The following PLPPR1 variants were observed in gnomAD, a reference collection of about 807,000 sequenced individuals.
PLPPR1 encodes phospholipid phosphatase related 1.
In PLPPR1, 10 loss-of-function variants were observed where a neutral mutation model predicts 33.1. The observed-to-expected ratio is 0.30, with a 90% confidence interval of 0.19 to 0.51. The LOEUF (loss-of-function observed/expected upper bound fraction) is 0.51. Ranked by LOEUF, PLPPR1 falls within the 20% of genes least tolerant of loss-of-function variation. The probability of loss-of-function intolerance (pLI) is 0.97; values close to 1 mark genes in which losing one functional copy is unlikely to be tolerated. For synonymous variants in PLPPR1, 151 were observed against 151.0 expected, an observed-to-expected ratio of 1.00 and a Z score of 0.00; for missense variants, 304 against 408.1, an observed-to-expected ratio of 0.74 and a Z score of 2.20.
chr9:101,061,651 A>C (rs868572013), intron 1 of PLPPR1, among the ~76,000 whole-genome samples: 1 of 147,650 alleles, frequency 6.8e-6, no homozygotes, highest in South Asian at 2.5e-4. Flanking sequence ...GTTTAGAGTT[A>C]ATTGTCCCTA....
At chr9:101,056,490 A>C (rs1334936917) in intron 1 of PLPPR1, among the ~76,000 whole-genome samples, 2 of 152,106 alleles carry the variant, frequency 1.3e-5, no homozygotes, top group Non-Finnish European at 2.9e-5. Context: ...GCTATCACAG[A>C]TTTATTATAG....
rs534696051 is a variant in PLPPR1, at chr9:101,118,158, G to A, written c.-45-67292G>A. ...AACATCCTAGGACAGAGATGGGGAG[G>A]AAGCTGATAAACAGAGGCTATGACC... is the stretch of plus-strand genomic sequence containing the variant. On this transcript the variant is annotated intron_variant, in intron 1 of 7. Transcript: ENST00000374874. 1.3e-5 allele frequency among the ~76,000 whole-genome samples: 2 copies of A among 152,308 alleles called. 1 individual carries two copies. Among genetic ancestry groups the A allele is most frequent in the South Asian group, 4.1e-4 (2 of 4,828 alleles).
At chr9:101,292,634 G>T (rs1012247038) in intron 4 of PLPPR1, among the ~76,000 whole-genome samples, 1 of 150,340 alleles carries the variant, frequency 6.7e-6, no homozygotes, top group Admixed American at 6.6e-5. Flanking sequence ...TGGGCGGGGC[G>T]GGGGGGGCCA....
At chr9:101,135,590 C>T (rs1312540921) in intron 1 of PLPPR1, among the ~76,000 whole-genome samples, 1 of 152,182 alleles carries the variant, frequency 6.6e-6, no homozygotes, top group Admixed American at 6.5e-5. Flanking sequence ...ATTGCTCTCC[C>T]TGTAGCTCCC....
At chr9:101,126,631 G>C (rs1831249597) in intron 1 of PLPPR1, among the ~76,000 whole-genome samples, 1 of 152,146 alleles carries the variant, frequency 6.6e-6, no homozygotes, top group Non-Finnish European at 1.5e-5. Flanking sequence ...CTACAGGAGT[G>C]GTAAGTTTTA....
rs181666698 is a variant in PLPPR1 at position 101,165,475 on chromosome 9, G to A, written c.-45-19975G>A. Among the ~76,000 whole-genome samples the A allele has an allele frequency of 8.5e-5, 13 of 152,286 alleles. No homozygotes were observed. In the East Asian group the frequency reaches 2.5e-3, roughly 29 times the overall value. On this transcript the variant is annotated intron_variant, in intron 1 of 7. Transcript: ENST00000374874. ...GAAAAGCAAAGAGAAAATAAAGGAT[G>A]CAAATACTTGTAGGAACTCCAATTT...
chr9:101,286,210 T>C lies in PLPPR1; in HGVS notation c.359T>C (p.Leu120Ser), dbSNP rs1276194344. 1.2e-6 allele frequency: 2 copies of C among 1,613,722 alleles called. No individual in the cohort carries two copies. Among genetic ancestry groups the C allele is most frequent in the Non-Finnish European group, 1.7e-6 (2 of 1,179,796 alleles). Residue 120 changes from leucine (L) to serine (S), a missense_variant, in exon 4 of 8, where the codon TTA (leucine) becomes TCA (serine). Coordinates refer to ENST00000374874, the MANE Select transcript of PLPPR1 (RefSeq NM_207299.2). ...GGAGAATGCTGTTACCTGAACCCCT[T>C]ACTTCGAAGGATCATAAGATTCACA... ...LTGECCYLNP[L>S]LRRIIRFTGV... is the part of the protein sequence containing the mutation.
At position 101,324,578 on chromosome 9, in the gene PLPPR1, T is replaced by C. The variant is rs1829219665; in HGVS notation, c.*521T>C. 1.3e-5 allele frequency: 2 copies of C among 152,706 alleles called. No individual in the cohort carries two copies. The highest frequency in any genetic ancestry group is 4.1e-4 in the South Asian group (2 of 4,872). The allele number at this position is 152,706 out of a possible 1,614,324, so 9.5% of individuals were successfully genotyped here. A position where few individuals can be genotyped will look rare whatever the true frequency, so the allele number is the denominator to read the frequency against. On this transcript the variant is annotated 3_prime_UTR_variant, in exon 8 of 8. Transcript: ENST00000374874. The stretch of plus-strand genomic sequence containing the variant: ...TGTTGCACTCTGATCTCTTAACAAA[T>C]TGTTACGTTCAAAGTTTAAAGTGAT...
intron 2 of PLPPR1, among the ~76,000 whole-genome samples, chr9:101,229,236 G>A (rs1827134620): frequency 6.6e-6 from 1 of 152,108 alleles, no homozygotes; most frequent in Non-Finnish European, 1.5e-5. Context: ...AAACAGTGCA[G>A]TGTGGTATTC....
intron 2 of PLPPR1, among the ~76,000 whole-genome samples, chr9:101,255,659 T>C (rs1172984478): frequency 6.6e-6 from 1 of 152,168 alleles, no homozygotes; most frequent in African/African-American, 2.4e-5. Context: ...ACTCCAAATG[T>C]GTTTATCAAA....
intron 2 of PLPPR1, among the ~76,000 whole-genome samples, chr9:101,254,580 CATGCTGTGTGACCTT>C (rs1483818270): frequency 6.6e-6 from 1 of 152,100 alleles, no homozygotes; most frequent in African/African-American, 2.4e-5. Context: ...CTGGCTCTTC[CATGCTGTGTGACCTT>C]ATGCTAATAA....
rs566745703 is a variant in PLPPR1, at chr9:101,211,582, T to G, written c.63+26025T>G. Among the ~76,000 whole-genome samples, 19 of 152,288 alleles carry G rather than the reference T, an allele frequency of 1.2e-4. 1 individual carries two copies. The South Asian group carries it at 3.9e-3, about 32-fold the overall frequency. ...GAGCTAATTACTCAGTTGTGTCCAT[T>G]CTGGGAAACAAATCTGAATTCTACT... On this transcript the variant is annotated intron_variant, in intron 2 of 7. Transcript: ENST00000374874.
chr9:101,113,661 C>A lies in PLPPR1; in HGVS notation c.-45-71789C>A, dbSNP rs138673325. Among the ~76,000 whole-genome samples the A allele has an allele frequency of 9.9e-3, 1,497 of 151,940 alleles. 14 individuals are homozygous for A. The highest frequency in any genetic ancestry group is 0.015 in the Non-Finnish European group (1,046 of 67,946). On this transcript the variant is annotated intron_variant, in intron 1 of 7. Coordinates refer to ENST00000374874, the MANE Select transcript of PLPPR1 (RefSeq NM_207299.2). ...AAACAAAAAACAAAAAACAAAAAAACCAAAAAACAGTCTATTTTGCCACTG... is the reference window on the plus strand; with the variant it reads ...AAACAAAAAACAAAAAACAAAAAAAACAAAAAACAGTCTATTTTGCCACTG...
intron 1 of PLPPR1, among the ~76,000 whole-genome samples, chr9:101,118,820 A>G (rs944652546): frequency 2.6e-5 from 4 of 151,642 alleles, no homozygotes; most frequent in African/African-American, 9.7e-5. Flanking sequence ...TTTTTCTATG[A>G]CTATCTTTCT....
At chr9:101,089,371 CTAGTT>C (rs1830716088) in intron 1 of PLPPR1, among the ~76,000 whole-genome samples, 1 of 152,020 alleles carries the variant, frequency 6.6e-6, no homozygotes, top group South Asian at 2.1e-4. Context: ...GTTATTGTAA[CTAGTT>C]TAATTAAATA....
At chr9:101,094,999 C>T (rs1456503293) in intron 1 of PLPPR1, among the ~76,000 whole-genome samples, 2 of 152,178 alleles carry the variant, frequency 1.3e-5, no homozygotes, top group African/African-American at 4.8e-5. Flanking sequence ...AAGCTCCAGG[C>T]TGTGTTGTCG....
chr9:101,184,551 T>G lies in PLPPR1; in HGVS notation c.-45-899T>G, dbSNP rs192532991. Among the ~76,000 whole-genome samples, 818 of 152,014 alleles carry G rather than the reference T, an allele frequency of 5.4e-3. 6 individuals are homozygous for G. The highest frequency in any genetic ancestry group is 0.019 in the African/African-American group (778 of 41,528). On this transcript the variant is annotated intron_variant, in intron 1 of 7. Coordinates refer to ENST00000374874, the MANE Select transcript of PLPPR1 (RefSeq NM_207299.2). ...AACAGAACAAATGAAAAATAATGAC[T>G]TTAAGAGCAGATATCTGAAATGTGT...
chr9:101,309,338 G>T lies in PLPPR1; in HGVS notation c.513G>T (p.Ala171=). 6.2e-7 allele frequency: 1 copy of T among 1,614,120 alleles called. No individual in the cohort carries two copies. Among genetic ancestry groups the T allele is most frequent in the Non-Finnish European group, 8.5e-7 (1 of 1,180,038 alleles). Residue 171 remains alanine (A), a synonymous_variant, in exon 5 of 8, where the codon GCG becomes GCT. Transcript: ENST00000374874. ...KPNYTSADCQ[A]HHQFINNGNI... ...ACTACACCAGTGCAGACTGCCAAGC[G>T]CACCACCAGTTTATAAACAATGGGA...
chr9:101,293,043 G>GT (rs1363662643), intron 4 of PLPPR1, among the ~76,000 whole-genome samples: 1 of 152,076 alleles, frequency 6.6e-6, no homozygotes, highest in East Asian at 1.9e-4. Context: ...TCAGTGTGCT[G>GT]TATTCAGGAA....
Sources: gnomAD v4.1 joint callset for allele counts (sites outside exome capture counted in the v4.1 genomes callset) on GRCh38, gnomAD v4.1.1 for gene constraint, MANE v1.5 for transcripts, NCBI Gene and HGNC (gene_info 2026-07-23, HGNC 2026-07-21) for gene names.